Variants in LAPTM5 observed in about 807,000 individuals in gnomAD.
LAPTM5 encodes the protein lysosomal-associated transmembrane protein 5.
In LAPTM5, 11 loss-of-function variants were observed where a neutral mutation model predicts 30.1. The observed-to-expected ratio is 0.37, with a 90% confidence interval of 0.23 to 0.60. LAPTM5 has a LOEUF of 0.60. Ranked by LOEUF, LAPTM5 falls within the 20% of genes least tolerant of loss-of-function variation. The pLI, the probability that LAPTM5 is intolerant of heterozygous loss-of-function variation, is 0.71. For missense variants in LAPTM5, 324 were observed against 332.5 expected, an observed-to-expected ratio of 0.97 and a Z score of 0.20; for synonymous variants, 151 against 137.9, an observed-to-expected ratio of 1.10 and a Z score of -0.67.
intron 3 of LAPTM5, 111 bp downstream of exon 3, chr1:30,741,529 G>GT: frequency 1.7e-6 from 1 of 604,384 alleles, no homozygotes; most frequent in South Asian, 2.6e-5. Context: ...AACGCAGGTG[G>GT]GACCGCCTAA....
At chr1:30,752,000 GAA>G (rs966213345) in intron 1 of LAPTM5, among the ~76,000 whole-genome samples, 5 of 152,204 alleles carry the variant, frequency 3.3e-5, no homozygotes, top group African/African-American at 1.2e-4. Flanking sequence ...GTGGAGCAGA[GAA>G]AAGAGCCCCA....
chr1:30,741,418 G>C lies in LAPTM5; in HGVS notation c.258+222C>G, dbSNP rs139680902. 6.9e-3 allele frequency among the ~76,000 whole-genome samples: 1,057 copies of C among 152,278 alleles called. 15 individuals are homozygous for C. The highest frequency in any genetic ancestry group is 0.024 in the African/African-American group (979 of 41,536). On this transcript the variant is annotated intron_variant, in intron 3 of 7. Transcript: ENST00000294507. Reference sequence around the variant, plus strand: ...GTGACCAGCATAGCCCACCATGCCCGGCCCCGTGGAGGCTCATGTTACCAG... The same window carrying C: ...GTGACCAGCATAGCCCACCATGCCCCGCCCCGTGGAGGCTCATGTTACCAG...
intron 1 of LAPTM5, among the ~76,000 whole-genome samples, chr1:30,743,687 G>C (rs374624929): frequency 6.6e-6 from 1 of 151,822 alleles, no homozygotes; most frequent in African/African-American, 2.4e-5. Flanking sequence ...CTATTAATAT[G>C]GCCCTAAGTT....
Position 30,743,253 on chromosome 1 carries a change from G to A in LAPTM5, c.88-704C>T, listed in dbSNP as rs527738294. ...CATTCGACTGTAGGTTCCAGGCAGG[G>A]AAAGCCTGTATGTCTCTTTGTTCAT... On this transcript the variant is annotated intron_variant, in intron 1 of 7. Transcript: ENST00000294507. Among the ~76,000 whole-genome samples, 23 of 152,304 alleles carry A rather than the reference G, an allele frequency of 1.5e-4. No individual in the cohort carries two copies. In the South Asian group the frequency reaches 4.8e-3, roughly 32 times the overall value.
chr1:30,744,386 A>T (rs1440263082), intron 1 of LAPTM5, among the ~76,000 whole-genome samples: 1 of 152,148 alleles, frequency 6.6e-6, no homozygotes, highest in Non-Finnish European at 1.5e-5. Context: ...GAGGCAGATG[A>T]CAGCTCCGTC....
At chr1:30,741,315 T>C (rs1639967530) in intron 3 of LAPTM5, among the ~76,000 whole-genome samples, 1 of 152,164 alleles carries the variant, frequency 6.6e-6, no homozygotes, top group Non-Finnish European at 1.5e-5. Flanking sequence ...CACTTCCTCT[T>C]TTCACTCTCA....
In LAPTM5 at chr1:30,733,501, G is replaced by A. The variant is rs1639842043; in HGVS notation, c.*327C>T. Reference sequence around the variant, plus strand: ...GATTTGTCAGTTGCTTGGCTGAACTGATCAAGTCGATAGTTGCTTGACAAA... The same window carrying A: ...GATTTGTCAGTTGCTTGGCTGAACTAATCAAGTCGATAGTTGCTTGACAAA... On this transcript the variant is annotated 3_prime_UTR_variant, in exon 8 of 8. Coordinates refer to ENST00000294507, the MANE Select transcript of LAPTM5 (RefSeq NM_006762.3). The A allele has an allele frequency of 7.1e-7, 1 of 1,403,572 alleles. No homozygotes were observed. Among genetic ancestry groups the A allele is most frequent in the Non-Finnish European group, 9.4e-7 (1 of 1,062,984 alleles). The allele number at this position is 1,403,572 out of a possible 1,614,324, so 86.9% of individuals were successfully genotyped here.
Position 30,732,552 on chromosome 1 carries a change from CA to C in LAPTM5, c.*1275del, listed in dbSNP as rs2124171289. Reference sequence around the variant, plus strand: ...AGGGGGTATTGCCAGGGAGCTCTTGCAGAGCCTTCTCCCTCTGTACCCCCCG... The same window carrying C: ...AGGGGGTATTGCCAGGGAGCTCTTGCGAGCCTTCTCCCTCTGTACCCCCCG... On this transcript the variant is annotated 3_prime_UTR_variant, in exon 8 of 8. Transcript: ENST00000294507. 1 of 151,834 alleles carries C rather than the reference CA, an allele frequency of 6.6e-6. No individual in the cohort carries two copies. The highest frequency in any genetic ancestry group is 1.5e-5 in the Non-Finnish European group (1 of 67,886). 9.4% of individuals were successfully genotyped at this position (151,834 alleles called of 1,614,324 possible).
intron 1 of LAPTM5, among the ~76,000 whole-genome samples, chr1:30,755,022 G>A (rs1640190836): frequency 6.6e-6 from 1 of 152,234 alleles, no homozygotes; most frequent in Non-Finnish European, 1.5e-5. Context: ...TTCTGGGAAG[G>A]AGAGAGGACT....
Position 30,736,965 on chromosome 1 carries a change from G to A in LAPTM5, c.606+639C>T, listed in dbSNP as rs373435764. On this transcript the variant is annotated intron_variant, in intron 6 of 7. Transcript: ENST00000294507. ...CCTCTATTTTCCATGCTGAATAAAC[G>A]CTCAGGTCTTTGTTGGGTTTTGTGG... Among the ~76,000 whole-genome samples, 17 of 152,196 alleles carry A rather than the reference G, an allele frequency of 1.1e-4. 2 individuals carry two copies. In the East Asian group the frequency reaches 2.1e-3, roughly 19 times the overall value.
chr1:30,735,725 A>AGTACATGTCCAT (rs1245190774), intron 6 of LAPTM5, among the ~76,000 whole-genome samples: 4 of 152,382 alleles, frequency 2.6e-5, no homozygotes, highest in Non-Finnish European at 5.9e-5. Flanking sequence ...AGGAACAGTT[A>AGTACATGTCCAT]GTACATGTCC....
chr1:30,735,379 G>C, intron 6 of LAPTM5, 114 bp from the exon 7 acceptor site: 1 of 817,614 alleles, frequency 1.2e-6, no homozygotes, highest in East Asian at 2.4e-5. Context: ...CCAGCATCCA[G>C]CTGCTCCTGC....
intron 1 of LAPTM5, among the ~76,000 whole-genome samples, chr1:30,748,816 G>C (rs970915578): frequency 6.6e-6 from 1 of 152,204 alleles, no homozygotes; most frequent in Non-Finnish European, 1.5e-5. Context: ...CCTCCACTGG[G>C]CTCTGGGGCT....
At position 30,733,855 on chromosome 1, in the gene LAPTM5, T is replaced by A; in HGVS notation, c.762A>T (p.Pro254=). 6.2e-7 allele frequency: 1 copy of A among 1,609,942 alleles called. No homozygotes were observed. Among genetic ancestry groups the A allele is most frequent in the Non-Finnish European group, 8.5e-7 (1 of 1,179,046 alleles). Residue 254 remains proline, a synonymous_variant, in exon 8 of 8, where the codon CCA becomes CCT. Transcript: ENST00000294507. ...SLPSKTPEGG[P]APPPYSEV is the part of the protein sequence containing the mutation. ...ACACCTCTGAGTATGGGGGTGGTGC[T>A]GGGCCCCCCTCTGGGGTCTTCGATG...
chr1:30,741,773 G>T, intron 2 of LAPTM5, 57 bp from the exon 3 acceptor site: 1 of 1,355,702 alleles, frequency 7.4e-7, no homozygotes, highest in East Asian at 2.5e-5. Flanking sequence ...CCCCAGCCAG[G>T]CTCCCAGGAC....
Position 30,739,236 on chromosome 1 carries a change from G to T in LAPTM5, c.388-174C>A. 1.2e-6 allele frequency: 1 copy of T among 822,124 alleles called. No individual in the cohort carries two copies. The highest frequency in any genetic ancestry group is 3.1e-5 in the East Asian group (1 of 31,936). The allele number at this position is 822,124 out of a possible 1,614,324, so 50.9% of individuals were successfully genotyped here. On this transcript the variant is annotated intron_variant, in intron 4 of 7. Transcript: ENST00000294507. The surrounding 1 kb of genome is among the most constrained non-coding windows in gnomAD (Gnocchi z 4.2). The stretch of plus-strand genomic sequence containing the variant: ...ACACAGATGTTCATACCAAGAGCTG[G>T]TGGCAGACCCAAGACTAGAACCAAG...
chr1:30,736,129 A>C (rs949034367), intron 6 of LAPTM5, among the ~76,000 whole-genome samples: 1 of 152,224 alleles, frequency 6.6e-6, no homozygotes, highest in African/African-American at 2.4e-5. Flanking sequence ...TGGAAAGCCC[A>C]CACTGGCTTC....
rs1473427947 is a variant in LAPTM5 at position 30,738,466 on chromosome 1, G to A, written c.510+474C>T. Among the ~76,000 whole-genome samples, 4 of 152,246 alleles carry A rather than the reference G, an allele frequency of 2.6e-5. No homozygotes were observed. The East Asian group carries it at 7.7e-4, about 29-fold the overall frequency. ...TTCAGATCTAATCAAGCCCTCAGTT[G>A]TCCACAGCCCCAGGTACCATCTCTG... is the stretch of plus-strand genomic sequence containing the variant. On this transcript the variant is annotated intron_variant, in intron 5 of 7. Transcript: ENST00000294507.
At position 30,742,493 on chromosome 1, in the gene LAPTM5, C is replaced by T. The variant is rs368162817; in HGVS notation, c.144G>A (p.Ala48=). 354 of 1,613,798 alleles carry T rather than the reference C, an allele frequency of 2.2e-4. No individual in the cohort carries two copies. The highest frequency in any genetic ancestry group is 6.2e-4 in the Admixed American group (37 of 60,006). Reference sequence around the variant, plus strand: ...AGCCCATCTGGGAGAGCTTGCAGGACGCCTTGCCATGGGCCACCTCTACTG... The same window carrying T: ...AGCCCATCTGGGAGAGCTTGCAGGATGCCTTGCCATGGGCCACCTCTACTG... ...EHSVEVAHGK[A]SCKLSQMGYL... The change falls in exon 2 of 8, where the codon GCG becomes GCA. Residue 48 remains alanine, a synonymous_variant. Coordinates refer to ENST00000294507, the MANE Select transcript of LAPTM5 (RefSeq NM_006762.3).
Sources: allele counts gnomAD v4.1 joint callset (sites outside exome capture counted in the v4.1 genomes callset), GRCh38; gene constraint gnomAD v4.1.1; non-coding constraint Gnocchi (gnomAD v3.1); transcripts MANE v1.5; gene names NCBI Gene and HGNC (gene_info 2026-07-23, HGNC 2026-07-21).